The following STK38L variants were observed in gnomAD, a reference collection of about 807,000 sequenced individuals.
STK38L encodes the protein serine/threonine kinase 38 like.
In STK38L, 28 loss-of-function variants were observed where a neutral mutation model predicts 59.7. The observed-to-expected ratio is 0.47, with a 90% CI of 0.35 to 0.64. STK38L has a LOEUF of 0.64. Among genes scored for constraint, STK38L ranks in the 30% least tolerant of loss-of-function variants. The pLI is 0.01. For missense variants in STK38L, 314 were observed against 555.8 expected, an observed-to-expected ratio of 0.56 and a Z score of 4.37; for synonymous variants, 162 against 176.8, an observed-to-expected ratio of 0.92 and a Z score of 0.66.
intron 8 of STK38L, 50 bp from the exon 9 acceptor site, chr12:27,315,238 TG>T: frequency 6.2e-7 from 1 of 1,602,342 alleles, no homozygotes. Context: ...ATTTTCTTTT[TG>T]TGGAGAGCAT....
Position 27,302,056 on chromosome 12 carries a change from C to A in STK38L, c.135-81C>A, listed in dbSNP as rs185268758. On this transcript the variant is annotated intron_variant, in intron 2 of 13. Transcript: ENST00000389032. ...TAGCCTAGCAAGCTGAAGTGGTTAA[C>A]CTGAATAAATAAATGTATATTTCTT... is the stretch of plus-strand genomic sequence containing the variant. 98 of 1,134,784 alleles carry A rather than the reference C, an allele frequency of 8.6e-5. 1 individual carries two copies. In the East Asian group the frequency reaches 1.6e-3, roughly 19 times the overall value. The allele number at this position is 1,134,784 out of a possible 1,614,324, so 70.3% of individuals were successfully genotyped here. A position where few individuals can be genotyped will look rare whatever the true frequency, so the allele number is the denominator to read the frequency against.
At chr12:27,300,678 A>G (rs376354221) in intron 2 of STK38L, 11 of 450,578 alleles carry the variant, frequency 2.4e-5, no homozygotes, top group East Asian at 7.0e-5. Flanking sequence ...GAAATAATGC[A>G]TAAACAAAAG....
At chr12:27,252,140 T>G (rs1415261860) in intron 1 of STK38L, among the ~76,000 whole-genome samples, 1 of 152,090 alleles carries the variant, frequency 6.6e-6, no homozygotes, top group East Asian at 1.9e-4. Flanking sequence ...CCACCACACC[T>G]GGCTAATTTT....
chr12:27,315,978 G>A (rs1193338910), intron 9 of STK38L, among the ~76,000 whole-genome samples: 1 of 152,126 alleles, frequency 6.6e-6, no homozygotes, highest in Non-Finnish European at 1.5e-5. Context: ...TCCATCAACA[G>A]TCTACAGGTT....
chr12:27,287,494 A>G (rs1002713455), intron 1 of STK38L, among the ~76,000 whole-genome samples: 4 of 152,336 alleles, frequency 2.6e-5, no homozygotes, highest in South Asian at 4.1e-4. Context: ...CAGTATATAC[A>G]TATGTATATT....
intron 1 of STK38L, among the ~76,000 whole-genome samples, chr12:27,258,381 G>A (rs1268495042): frequency 6.6e-6 from 1 of 152,060 alleles, no homozygotes; most frequent in Non-Finnish European, 1.5e-5. Context: ...CTAGAGTGCA[G>A]TGGCATGATC....
intron 3 of STK38L, among the ~76,000 whole-genome samples, chr12:27,307,652 A>C (rs1944349966): frequency 6.6e-6 from 1 of 152,256 alleles, no homozygotes; most frequent in South Asian, 2.1e-4. Flanking sequence ...AATGAAGTTT[A>C]GAACAATAAA....
intron 3 of STK38L, among the ~76,000 whole-genome samples, chr12:27,303,917 T>TA (rs1206967521): frequency 6.6e-6 from 1 of 152,114 alleles, no homozygotes; most frequent in African/African-American, 2.4e-5. Context: ...AATAGTTTAC[T>TA]AAAAAAGGTA....
At chr12:27,315,898 C>T (rs1438654654) in intron 9 of STK38L, among the ~76,000 whole-genome samples, 1 of 152,180 alleles carries the variant, frequency 6.6e-6, no homozygotes, top group African/African-American at 2.4e-5. Context: ...ATACTATTTC[C>T]TTTCTATAAC....
chr12:27,252,962 A>G lies in STK38L; in HGVS notation c.-12+8630A>G, dbSNP rs552962569. Among the ~76,000 whole-genome samples the G allele has an allele frequency of 1.1e-3, 172 of 152,348 alleles. 1 individual carries two copies. Among genetic ancestry groups the G allele is most frequent in the African/African-American group, 3.9e-3 (161 of 41,586 alleles). On this transcript the variant is annotated intron_variant, in intron 1 of 13. Coordinates refer to ENST00000389032, the MANE Select transcript of STK38L (RefSeq NM_015000.4). ...CCAGTAAGAGGTATAATGTATGGGT[A>G]CAAATGACTGTAATTCAAACAGAAA... is the stretch of plus-strand genomic sequence containing the variant.
At chr12:27,314,856 T>A (rs1374298702) in intron 7 of STK38L, among the ~76,000 whole-genome samples, 159 bp from the exon 8 acceptor site, 3 of 152,208 alleles carry the variant, frequency 2.0e-5, no homozygotes, top group Non-Finnish European at 4.4e-5. Flanking sequence ...CATTTTCTAC[T>A]TTTAAAAATC....
rs1032724497 is a variant in STK38L, at chr12:27,252,033, G to A, written c.-12+7701G>A. 2.6e-5 allele frequency among the ~76,000 whole-genome samples: 4 copies of A among 152,222 alleles called. No individual in the cohort carries two copies. The East Asian group carries it at 7.7e-4, about 29-fold the overall frequency. On this transcript the variant is annotated intron_variant, in intron 1 of 13. Coordinates refer to ENST00000389032, the MANE Select transcript of STK38L (RefSeq NM_015000.4). ...CTCGCTGTGTCACCCAGGCTGGAGT[G>A]CAGTGGCGCGATCTCAGCTCACTGC...
intron 1 of STK38L, among the ~76,000 whole-genome samples, chr12:27,251,697 G>T (rs1942978832): frequency 6.6e-6 from 1 of 152,216 alleles, no homozygotes; most frequent in African/African-American, 2.4e-5. Flanking sequence ...AGCCAATTAG[G>T]AGTGGGTAAA....
Position 27,323,778 on chromosome 12 carries a change from G to A in STK38L, c.*1323G>A, listed in dbSNP as rs1565561594. On this transcript the variant is annotated 3_prime_UTR_variant, in exon 14 of 14. Coordinates refer to ENST00000389032, the MANE Select transcript of STK38L (RefSeq NM_015000.4). Reference sequence around the variant, plus strand: ...GATAATATCAGCATCAAATTCTTTGGGTATCTCTCTAAGAATTAAATAATC... The same window carrying A: ...GATAATATCAGCATCAAATTCTTTGAGTATCTCTCTAAGAATTAAATAATC... The A allele has an allele frequency of 6.6e-6, 1 of 152,056 alleles. No homozygotes were observed. Among genetic ancestry groups the A allele is most frequent in the Non-Finnish European group, 1.5e-5 (1 of 67,892 alleles). 9.4% of individuals were successfully genotyped at this position (152,056 alleles called of 1,614,324 possible).
intron 1 of STK38L, chr12:27,293,706 TTC>T (rs1943946243): frequency 6.6e-6 from 1 of 152,052 alleles, no homozygotes; most frequent in Non-Finnish European, 1.5e-5. Context: ...ACATACATCT[TTC>T]TCTCCCATTT....
chr12:27,300,722 G>A (rs956533784), intron 2 of STK38L: 1 of 416,760 alleles, frequency 2.4e-6, no homozygotes, highest in African/African-American at 2.0e-5. Flanking sequence ...CAAGGTAGGT[G>A]CCTATGACAA....
At chr12:27,259,966 T>C (rs12146705) in intron 1 of STK38L, among the ~76,000 whole-genome samples, 10,813 of 152,288 alleles carry the variant, frequency 0.071, 513 homozygotes, top group Non-Finnish European at 0.11. Flanking sequence ...TAATATCCTT[T>C]GCAGTTTATA....
intron 1 of STK38L, among the ~76,000 whole-genome samples, chr12:27,288,767 G>T (rs1943834041): frequency 6.6e-6 from 1 of 151,226 alleles, no homozygotes; most frequent in Non-Finnish European, 1.5e-5. Context: ...TTTTACCTCT[G>T]AATATTTCCT....
rs1224035396 is a variant in STK38L at position 27,308,872 on chromosome 12, ATAAATATATATAAATG to A, written c.310-231_310-216del. On this transcript the variant is annotated intron_variant, in intron 4 of 13. Coordinates refer to ENST00000389032, the MANE Select transcript of STK38L (RefSeq NM_015000.4). The surrounding 1 kb of genome is among the most constrained non-coding windows in gnomAD (Gnocchi z 4.5). ...TATATATAAAAAAATATATATAAATATAAATATATATAAATGTAAATATATAAATATATATAAATAT... is the reference window on the plus strand; with the variant it reads ...TATATATAAAAAAATATATATAAATATAAATATATAAATATATATAAATAT... Among the ~76,000 whole-genome samples, 3 of 127,074 alleles carry A rather than the reference ATAAATATATATAAATG, an allele frequency of 2.4e-5. No homozygotes were observed. The highest frequency in any genetic ancestry group is 7.7e-5 in the African/African-American group (3 of 39,096). The allele number at this position is 127,074 out of a possible 152,430, so 83.4% of individuals were successfully genotyped here. A position where few individuals can be genotyped will look rare whatever the true frequency, so the allele number is the denominator to read the frequency against.
Sources: gnomAD v4.1 joint callset for allele counts (sites outside exome capture counted in the v4.1 genomes callset) on GRCh38, gnomAD v4.1.1 for gene constraint, Gnocchi (gnomAD v3.1) non-coding constraint, MANE v1.5 for transcripts, NCBI Gene and HGNC (gene_info 2026-07-23, HGNC 2026-07-21) for gene names.